The following REST variants were observed in gnomAD, a reference collection of about 807,000 sequenced individuals.
REST encodes the protein RE1 silencing transcription factor, also known as RE1-silencing transcription factor.
A neutral mutation model predicts 30.4 loss-of-function variants in REST; 1 was observed. The observed-to-expected ratio is 0.03, with a 90% CI of 0.01 to 0.16. REST has a LOEUF of 0.16. Among genes scored for constraint, REST ranks in the 10% least tolerant of loss-of-function variants. REST has a pLI of 1.00. For missense variants in REST, 1,259 were observed against 1,329.5 expected (o/e 0.95, Z 0.82); for synonymous variants, 504 against 451.1 (o/e 1.12, Z -1.49).
At position 56,931,378 on chromosome 4, in the gene REST, T is replaced by C; in HGVS notation, c.2520T>C (p.Val840=). 6.2e-7 allele frequency: 1 copy of C among 1,614,264 alleles called. No homozygotes were observed. The highest frequency in any genetic ancestry group is 8.5e-7 in the Non-Finnish European group (1 of 1,180,050). ...GGAAGGAGCAAGTCCTTATTGAAGT[T>C]GGCTTAGTGCCTGTTAAAGATAGCT... ...RARKEQVLIE[V]GLVPVKDSWL... The change falls in exon 4 of 4, where the codon GTT becomes GTC. Residue 840 remains valine (V), a synonymous_variant. Coordinates refer to ENST00000309042, the MANE Select transcript of REST (RefSeq NM_005612.5).
At chr4:56,925,382 TA>T (rs1163899736) in intron 3 of REST, among the ~76,000 whole-genome samples, 1 of 152,120 alleles carries the variant, frequency 6.6e-6, no homozygotes, top group Admixed American at 6.6e-5. Flanking sequence ...GTGGCTAATT[TA>T]AAAATTTTTT....
intron 3 of REST, among the ~76,000 whole-genome samples, chr4:56,923,167 T>A (rs1285514982): frequency 6.6e-6 from 1 of 152,248 alleles, no homozygotes; most frequent in Non-Finnish European, 1.5e-5. Context: ...ATTGTATGTA[T>A]GCTGAATAGT....
In REST at chr4:56,931,546, A is replaced by C; in HGVS notation, c.2688A>C (p.Lys896Asn). ...GAAATAAAGAAGCCCCTCTTCAGAAAGTAGGAGCAGAAGAGGCAGATGAGA... is the reference window on the plus strand; with the variant it reads ...GAAATAAAGAAGCCCCTCTTCAGAACGTAGGAGCAGAAGAGGCAGATGAGA... ...GEGNKEAPLQ[K>N]VGAEEADESL... Residue 896 changes from lysine to asparagine, a missense_variant, in exon 4 of 4, where the codon AAA becomes AAC. By Grantham distance (94) the Lys-to-Asn change is moderately conservative. This residue lies in a region of REST where 856 missense variants were observed against 772.8 expected (regional missense o/e 1.11). Transcript: ENST00000309042. 6.2e-7 allele frequency: 1 copy of C among 1,614,252 alleles called. No homozygotes were observed. The highest frequency in any genetic ancestry group is 8.5e-7 in the Non-Finnish European group (1 of 1,180,052).
At chr4:56,926,171 T>G (rs1183926138) in intron 3 of REST, among the ~76,000 whole-genome samples, 2 of 152,068 alleles carry the variant, frequency 1.3e-5, no homozygotes, top group Non-Finnish European at 2.9e-5. Context: ...GTGATTCTCC[T>G]GCCTCAGCCT....
chr4:56,924,988 G>C (rs1720620682), intron 3 of REST, among the ~76,000 whole-genome samples: 1 of 151,832 alleles, frequency 6.6e-6, no homozygotes, highest in East Asian at 1.9e-4. Context: ...CAACATGGTG[G>C]TACCCCATCT....
At chr4:56,914,736 T>C (rs1350626636) in intron 2 of REST, among the ~76,000 whole-genome samples, 1 of 152,012 alleles carries the variant, frequency 6.6e-6, no homozygotes, top group African/African-American at 2.4e-5. Flanking sequence ...GTATTTTCAG[T>C]AGAGATGTGG....
chr4:56,910,536 T>C (rs1027480506), intron 1 of REST, 94 bp from the exon 2 acceptor site: 10 of 1,103,528 alleles, frequency 9.1e-6, no homozygotes, highest in African/African-American at 3.1e-5. Flanking sequence ...TACTGGAAAA[T>C]TTTTAAGTTA....
Position 56,934,499 on chromosome 4 carries a change from T to C in REST, c.*2347T>C, listed in dbSNP as rs1402928962. The C allele has an allele frequency of 6.6e-6, 1 of 152,196 alleles. No individual in the cohort carries two copies. Among genetic ancestry groups the C allele is most frequent in the Non-Finnish European group, 1.5e-5 (1 of 68,024 alleles). The allele number at this position is 152,196 out of a possible 1,614,324, so 9.4% of individuals were successfully genotyped here. A position where few individuals can be genotyped will look rare whatever the true frequency, so the allele number is the denominator to read the frequency against. On this transcript the variant is annotated 3_prime_UTR_variant, in exon 4 of 4. Coordinates refer to ENST00000309042, the MANE Select transcript of REST (RefSeq NM_005612.5). ...TAAAAACATTGTTACTGGAAATTTA[T>C]TGGACTTGAGGCCTTCCTCCAGAAA...
intron 3 of REST, among the ~76,000 whole-genome samples, chr4:56,922,725 C>T (rs1394005210): frequency 6.6e-6 from 1 of 152,194 alleles, no homozygotes; most frequent in Non-Finnish European, 1.5e-5. Context: ...AAAAATACGA[C>T]CTTTTTTCCT....
At chr4:56,923,784 C>T (rs1057251898) in intron 3 of REST, among the ~76,000 whole-genome samples, 8 of 151,764 alleles carry the variant, frequency 5.3e-5, no homozygotes, top group Admixed American at 1.3e-4. Context: ...TGCAATGGTG[C>T]GACCTCGGCT....
rs757762660 is a variant in REST at position 56,931,744 on chromosome 4, A to G, written c.2886A>G (p.Ile962Met). 1 of 1,614,266 alleles carries G rather than the reference A, an allele frequency of 6.2e-7. No homozygotes were observed. Among genetic ancestry groups the G allele is most frequent in the Middle Eastern group, 1.6e-4 (1 of 6,062 alleles). ...DQNTRENLTGINSTVEEPVSP... is the reference protein window; with the variant it reads ...DQNTRENLTGMNSTVEEPVSP... Reference sequence around the variant, plus strand: ...ACACAAGAGAGAATCTCACTGGTATAAATTCAACAGTTGAAGAACCAGTTT... The same window carrying G: ...ACACAAGAGAGAATCTCACTGGTATGAATTCAACAGTTGAAGAACCAGTTT... Residue 962 changes from isoleucine to methionine, a missense_variant, in exon 4 of 4, where the codon ATA becomes ATG. This residue lies in a region of REST where 856 missense variants were observed against 772.8 expected (regional missense o/e 1.11). Transcript: ENST00000309042.
At chr4:56,920,844 T>G (rs1184359024) in intron 3 of REST, among the ~76,000 whole-genome samples, 1 of 152,186 alleles carries the variant, frequency 6.6e-6, no homozygotes, top group Non-Finnish European at 1.5e-5. Context: ...TGACTCTTGG[T>G]GAACTACCAC....
At position 56,930,022 on chromosome 4, in the gene REST, G is replaced by C; in HGVS notation, c.1164G>C (p.Gln388His). The C allele has an allele frequency of 1.2e-6, 2 of 1,614,168 alleles. No homozygotes were observed. Among genetic ancestry groups the C allele is most frequent in the Non-Finnish European group, 8.5e-7 (1 of 1,180,034 alleles). The change falls in exon 4 of 4, where the codon CAG becomes CAC. Residue 388 changes from glutamine to histidine, a missense_variant. Gln to His is a conservative substitution (Grantham distance 24). Coordinates refer to ENST00000309042, the MANE Select transcript of REST (RefSeq NM_005612.5). Reference sequence around the variant, plus strand: ...TAGAGCTACATGTGAACCCACGGCAGTTCAATTGCCCTGTATGTGACTATG... The same window carrying C: ...TAGAGCTACATGTGAACCCACGGCACTTCAATTGCCCTGTATGTGACTATG... ...KHVELHVNPRQFNCPVCDYAA... is the reference protein window; with the variant it reads ...KHVELHVNPRHFNCPVCDYAA...
At position 56,927,775 on chromosome 4, in the gene REST, A is replaced by G. The variant is rs146756768; in HGVS notation, c.983-2066A>G. 242 of 263,568 alleles carry G rather than the reference A, an allele frequency of 9.2e-4. 1 individual carries two copies. Among genetic ancestry groups the G allele is most frequent in the African/African-American group, 5.3e-3 (230 of 43,332 alleles). 16.3% of individuals were successfully genotyped at this position (263,568 alleles called of 1,614,324 possible). A position where few individuals can be genotyped will look rare whatever the true frequency, so the allele number is the denominator to read the frequency against. On this transcript the variant is annotated intron_variant, in intron 3 of 3. Transcript: ENST00000309042. ...TTTGCTTATTTTACATACCATATCT[A>G]TTTGTGTGCCACTTCTCATTACCTA...
intron 1 of REST, among the ~76,000 whole-genome samples, chr4:56,910,280 T>A (rs1417381884): frequency 6.6e-6 from 1 of 152,238 alleles, no homozygotes; most frequent in Middle Eastern, 3.2e-3. Context: ...TTTGAATTTT[T>A]AAAATAATTT....
intron 3 of REST, among the ~76,000 whole-genome samples, chr4:56,920,176 C>T (rs1200620653): frequency 6.6e-6 from 1 of 151,930 alleles, no homozygotes; most frequent in Non-Finnish European, 1.5e-5. Flanking sequence ...ACTGATTGAT[C>T]TTTTAACCCC....
intron 2 of REST, among the ~76,000 whole-genome samples, chr4:56,912,950 C>CTT (rs74519023): frequency 1.4e-5 from 2 of 140,970 alleles, no homozygotes; most frequent in Non-Finnish European, 3.1e-5. Context: ...CCAGCCGAAA[C>CTT]TTTTTTTTTT....
intron 2 of REST, among the ~76,000 whole-genome samples, chr4:56,914,950 G>A (rs1253679429): frequency 1.4e-5 from 1 of 71,666 alleles, no homozygotes; most frequent in African/African-American, 5.5e-5. Flanking sequence ...TTTTGAGACA[G>A]TTTTACTCTT....
At chr4:56,927,603 C>A in intron 3 of REST, 1 of 1,110,158 alleles carries the variant, frequency 9.0e-7, no homozygotes, top group Non-Finnish European at 1.1e-6. Context: ...ACTATGCATT[C>A]CATTGGACCA....
Sources: gnomAD v4.1 joint callset for allele counts (sites outside exome capture counted in the v4.1 genomes callset) on GRCh38, gnomAD v4.1.1 for gene constraint, gnomAD v4.1.1 regional missense constraint, MANE v1.5 for transcripts, NCBI Gene and HGNC (gene_info 2026-07-23, HGNC 2026-07-21) for gene names.